CDH22: variants seen among roughly 807,000 people sequenced by gnomAD.
CDH22 encodes cadherin 22.
A neutral mutation model predicts 58.4 loss-of-function variants in CDH22; 30 were observed. That is an observed-to-expected ratio of 0.51 (90% confidence interval 0.38 to 0.70). The LOEUF is 0.70. CDH22 is among the 30% of genes least tolerant of loss of function. The probability of loss-of-function intolerance (pLI) is 0.00; values close to 1 mark genes in which losing one functional copy is unlikely to be tolerated. For missense variants in CDH22, 1,014 were observed against 1,233.9 expected (o/e 0.82, Z 2.67); for synonymous variants, 513 against 558.2 (o/e 0.92, Z 1.14).
chr20:46,197,639 G>T (rs545320849), intron 8 of CDH22, among the ~76,000 whole-genome samples: 22 of 152,160 alleles, frequency 1.4e-4, no homozygotes, highest in Non-Finnish European at 2.9e-4. Context: ...CAGGTTTGAG[G>T]AGGCAAGGAG....
intron 1 of CDH22, among the ~76,000 whole-genome samples, chr20:46,292,139 T>G (rs1295777017): frequency 2.7e-5 from 4 of 150,908 alleles, no homozygotes; most frequent in Admixed American, 6.6e-5. Flanking sequence ...ACTCAGAGAG[T>G]TGGTGGTAGG....
chr20:46,254,748 G>A (rs1402430834), intron 1 of CDH22, among the ~76,000 whole-genome samples: 3 of 152,066 alleles, frequency 2.0e-5, no homozygotes, highest in Non-Finnish European at 4.4e-5. Flanking sequence ...TTAAAGATAT[G>A]GTATCAGGGA....
At chr20:46,252,702 G>A (rs2086385930) in intron 1 of CDH22, among the ~76,000 whole-genome samples, 1 of 152,220 alleles carries the variant, frequency 6.6e-6, no homozygotes, top group African/African-American at 2.4e-5. Flanking sequence ...CTTCAACTTT[G>A]TGCCAGGTTT....
At chr20:46,194,152 C>T (rs893841101) in intron 8 of CDH22, among the ~76,000 whole-genome samples, 4 of 152,196 alleles carry the variant, frequency 2.6e-5, no homozygotes, top group African/African-American at 9.7e-5. Flanking sequence ...TTGTCACTGA[C>T]TGTCAATGGG....
At chr20:46,277,912 G>T (rs958791346) in intron 1 of CDH22, among the ~76,000 whole-genome samples, 2 of 152,020 alleles carry the variant, frequency 1.3e-5, no homozygotes, top group Non-Finnish European at 1.5e-5. Context: ...AGGAAGGCAG[G>T]GCCGAGGGAG....
intron 1 of CDH22, among the ~76,000 whole-genome samples, chr20:46,275,231 C>A (rs1380594573): frequency 6.6e-6 from 1 of 152,248 alleles, no homozygotes; most frequent in Non-Finnish European, 1.5e-5. Flanking sequence ...TTCCTCTGCT[C>A]CAGCCCTGCT....
intron 1 of CDH22, among the ~76,000 whole-genome samples, chr20:46,260,376 A>G (rs559819220): frequency 6.6e-6 from 1 of 152,242 alleles, no homozygotes; most frequent in South Asian, 2.1e-4. Flanking sequence ...TCCAGCCTCT[A>G]CTTCCTCCAG....
chr20:46,252,765 G>A (rs2086386401), intron 1 of CDH22, among the ~76,000 whole-genome samples: 2 of 152,236 alleles, frequency 1.3e-5, no homozygotes, highest in South Asian at 2.1e-4. Context: ...GGGGTGGAAG[G>A]TGAAACCCTT....
chr20:46,217,493 C>T (rs945226395), intron 4 of CDH22, among the ~76,000 whole-genome samples: 1 of 152,102 alleles, frequency 6.6e-6, no homozygotes, highest in Non-Finnish European at 1.5e-5. Context: ...CTCATACACA[C>T]TCCTATAGAT....
chr20:46,278,540 G>C (rs1600725058), intron 1 of CDH22, among the ~76,000 whole-genome samples: 1 of 152,170 alleles, frequency 6.6e-6, no homozygotes, highest in African/African-American at 2.4e-5. Context: ...ATCATCAGAA[G>C]GGACCTGCCA....
chr20:46,214,091 T>C (rs2086064353), intron 5 of CDH22, among the ~76,000 whole-genome samples: 1 of 151,974 alleles, frequency 6.6e-6, no homozygotes, highest in African/African-American at 2.4e-5. Context: ...CAAGCAGATA[T>C]TTGGGAAAGA....
At chr20:46,179,302 T>C (rs2085767650) in intron 10 of CDH22, among the ~76,000 whole-genome samples, 1 of 152,226 alleles carries the variant, frequency 6.6e-6, no homozygotes, top group African/African-American at 2.4e-5. Context: ...TTCAGTCTGC[T>C]GTTTCTAATC....
Position 46,198,566 on chromosome 20 carries a change from C to T in CDH22, c.1423+857G>A, listed in dbSNP as rs188978205. Among the ~76,000 whole-genome samples the T allele has an allele frequency of 3.9e-3, 594 of 152,186 alleles. 8 individuals are homozygous for T. The highest frequency in any genetic ancestry group is 0.014 in the African/African-American group (576 of 41,516). ...CAGCTTCTAGCTAAGGCCCCGTTTC[C>T]CTCTCAGGCTCCAGGCTCTTCTCAA... On this transcript the variant is annotated intron_variant, in intron 8 of 11. Transcript: ENST00000537909.
intron 4 of CDH22, among the ~76,000 whole-genome samples, chr20:46,223,321 ACCTC>A (rs1303425307): frequency 1.3e-5 from 2 of 151,256 alleles, no homozygotes; most frequent in Non-Finnish European, 2.9e-5. Flanking sequence ...CAGCCCTGCC[ACCTC>A]CCAAGACTCA....
chr20:46,218,920 G>C (rs1417859485), intron 4 of CDH22, among the ~76,000 whole-genome samples: 1 of 152,172 alleles, frequency 6.6e-6, no homozygotes, highest in Non-Finnish European at 1.5e-5. Context: ...GGTGCCCGGG[G>C]CCTGTGCGCC....
At chr20:46,287,151 C>A (rs2145773386) in intron 1 of CDH22, among the ~76,000 whole-genome samples, 1 of 152,220 alleles carries the variant, frequency 6.6e-6, no homozygotes, top group East Asian at 1.9e-4. Context: ...ATCTGTGTAA[C>A]CTTGCATGAA....
intron 1 of CDH22, among the ~76,000 whole-genome samples, chr20:46,277,065 G>C (rs1456956456): frequency 6.6e-6 from 1 of 151,988 alleles, no homozygotes; most frequent in African/African-American, 2.4e-5. Flanking sequence ...GAGGGGAGAG[G>C]ATTGCTTGAG....
chr20:46,270,376 C>T (rs1404166273), intron 1 of CDH22, among the ~76,000 whole-genome samples: 1 of 152,098 alleles, frequency 6.6e-6, no homozygotes, highest in Non-Finnish European at 1.5e-5. Context: ...TGAGCAGGGC[C>T]CCATCTGGGG....
At chr20:46,177,848 A>T (rs2085751797) in intron 11 of CDH22, 98 bp downstream of exon 11, 2 of 1,440,138 alleles carry the variant, frequency 1.4e-6, no homozygotes, top group African/African-American at 2.8e-5. Context: ...TCATGTGGAG[A>T]GGGAAGCTGA....
Sources: gnomAD v4.1 joint callset for allele counts (sites outside exome capture counted in the v4.1 genomes callset) on GRCh38, gnomAD v4.1.1 for gene constraint, MANE v1.5 for transcripts, NCBI Gene and HGNC (gene_info 2026-07-23, HGNC 2026-07-21) for gene names.